The following ZBTB11 variants were observed in gnomAD, a reference collection of about 807,000 sequenced individuals.
ZBTB11 encodes the protein zinc finger and BTB domain-containing protein 11.
A neutral mutation model predicts 113.1 loss-of-function variants in ZBTB11; 68 were observed. The ratio of observed to expected loss-of-function variants is 0.60; its 90% CI spans 0.49 to 0.74. The LOEUF (loss-of-function observed/expected upper bound fraction) is 0.74, where lower values mean the gene tolerates loss of function less well. Among genes scored for constraint, ZBTB11 ranks in the 30% least tolerant of loss-of-function variants. The pLI is 0.00. For missense variants in ZBTB11, 1,104 were observed against 1,279.4 expected, an observed-to-expected ratio of 0.86 and a Z score of 2.09; for synonymous variants, 518 against 452.6, an observed-to-expected ratio of 1.14 and a Z score of -1.83.
intron 3 of ZBTB11, among the ~76,000 whole-genome samples, chr3:101,670,266 T>G (rs1211141919): frequency 6.6e-6 from 1 of 152,236 alleles, no homozygotes; most frequent in Non-Finnish European, 1.5e-5. Context: ...GAAAAGTCAC[T>G]TTTTTGTTTC....
intron 3 of ZBTB11, among the ~76,000 whole-genome samples, chr3:101,669,459 T>C (rs1313199870): frequency 6.6e-6 from 1 of 152,234 alleles, no homozygotes; most frequent in Non-Finnish European, 1.5e-5. Context: ...TGTATTATGT[T>C]GGAATATTAG....
intron 1 of ZBTB11, among the ~76,000 whole-genome samples, chr3:101,674,412 C>T (rs1477648164): frequency 6.6e-6 from 1 of 151,142 alleles, no homozygotes; most frequent in African/African-American, 2.4e-5. Flanking sequence ...GATTTAGAGA[C>T]CAAAAGAGGT....
At position 101,671,272 on chromosome 3, in the gene ZBTB11, C is replaced by A. The variant is rs760603376; in HGVS notation, c.636G>T (p.Gln212His). 1 of 1,614,172 alleles carries A rather than the reference C, an allele frequency of 6.2e-7. No homozygotes were observed. The highest frequency in any genetic ancestry group is 1.1e-5 in the South Asian group (1 of 91,086). Residue 212 changes from glutamine to histidine, a missense_variant, in exon 3 of 11, where the codon CAG (glutamine) becomes CAT (histidine). Gln to His is a conservative substitution (Grantham distance 24, BLOSUM62 0). Coordinates refer to ENST00000312938, the MANE Select transcript of ZBTB11 (RefSeq NM_014415.4). ...CAATTAACAAAGTAACATCACAGAA[C>A]TGGTTGGAAAGTCTCTGTTCGTTCA... ...KQLNEQRLSN[Q>H]FCDVTLLIEG...
At chr3:101,657,544 G>C (rs1458335512) in intron 6 of ZBTB11, among the ~76,000 whole-genome samples, 1 of 151,722 alleles carries the variant, frequency 6.6e-6, no homozygotes. Flanking sequence ...GGTGGGGGTG[G>C]AGGTGGGAGT....
chr3:101,675,735 A>G lies in ZBTB11; in HGVS notation c.310+870T>C, dbSNP rs76734498. On this transcript the variant is annotated intron_variant, in intron 1 of 10. Transcript: ENST00000312938. ...AATCGTACCTTTTCTGCGTATATAC[A>G]ATGCTACACAGTTCCCAAACGCGTT... Among the ~76,000 whole-genome samples the G allele has an allele frequency of 2.6e-3, 393 of 152,302 alleles. 12 individuals are homozygous for G. The East Asian group carries it at 0.064, about 25-fold the overall frequency.
In ZBTB11 at chr3:101,677,125, T is replaced by C. The variant is rs1016184854; in HGVS notation, c.-211A>G. The C allele has an allele frequency of 7.3e-6, 4 of 551,402 alleles. No individual in the cohort carries two copies. Among genetic ancestry groups the C allele is most frequent in the African/African-American group, 5.9e-5 (3 of 50,924 alleles). 34.2% of individuals were successfully genotyped at this position (551,402 alleles called of 1,614,324 possible). ...CACTTCTCCAGCGCGCGGGATCCGC[T>C]GGCGACTGACAAAATGGCTGCTGCA... On this transcript the variant is annotated 5_prime_UTR_variant, in exon 1 of 11. Coordinates refer to ENST00000312938, the MANE Select transcript of ZBTB11 (RefSeq NM_014415.4).
At chr3:101,668,826 A>C (rs1937038498) in intron 3 of ZBTB11, among the ~76,000 whole-genome samples, 1 of 152,128 alleles carries the variant, frequency 6.6e-6, no homozygotes, top group Non-Finnish European at 1.5e-5. Context: ...CTCTGAGCCT[A>C]TTCTGTTTCA....
chr3:101,655,731 G>C (rs1936784086), intron 7 of ZBTB11: 1 of 152,176 alleles, frequency 6.6e-6, no homozygotes, highest in African/African-American at 2.4e-5. Context: ...CGCGATCTTG[G>C]CTCACAGCAA....
At position 101,652,628 on chromosome 3, in the gene ZBTB11, T is replaced by G. The variant is rs771388774; in HGVS notation, c.2512A>C (p.Arg838=). 1.2e-6 allele frequency: 2 copies of G among 1,613,956 alleles called. No homozygotes were observed. The highest frequency in any genetic ancestry group is 1.7e-6 in the Non-Finnish European group (2 of 1,180,010). The change falls in exon 10 of 11, where the codon AGA becomes CGA. Residue 838 remains arginine (R), a synonymous_variant. Transcript: ENST00000312938. ...GKEFYEKALF[R]RHVKKATHGK... is the part of the protein sequence containing the mutation. ...TGGGTAGCTTTCTTTACATGCCTTCTGAACAAAGCTTTTTCATAAAATTCT... is the reference window on the plus strand; with the variant it reads ...TGGGTAGCTTTCTTTACATGCCTTCGGAACAAAGCTTTTTCATAAAATTCT...
intron 1 of ZBTB11, among the ~76,000 whole-genome samples, chr3:101,672,919 G>C (rs185019035): frequency 6.6e-6 from 1 of 152,286 alleles, no homozygotes; most frequent in East Asian, 1.9e-4. Context: ...ATGTCCCAGA[G>C]GGATGTTGTT....
intron 8 of ZBTB11, among the ~76,000 whole-genome samples, chr3:101,654,377 G>GT (rs1936757144): frequency 6.6e-6 from 1 of 152,086 alleles, no homozygotes; most frequent in African/African-American, 2.4e-5. Context: ...TACCTCGATT[G>GT]TAACAGAGAT....
At chr3:101,668,567 G>T (rs1218567715) in intron 3 of ZBTB11, among the ~76,000 whole-genome samples, 1 of 149,962 alleles carries the variant, frequency 6.7e-6, no homozygotes, top group Non-Finnish European at 1.5e-5. Flanking sequence ...AGTTGCTTGA[G>T]CCTATGACTG....
rs755908915 is a variant in ZBTB11, at chr3:101,664,551, T to C, written c.1787A>G (p.Asp596Gly). 13 of 1,601,894 alleles carry C rather than the reference T, an allele frequency of 8.1e-6. No homozygotes were observed. Among genetic ancestry groups the C allele is most frequent in the Non-Finnish European group, 1.1e-5 (13 of 1,177,028 alleles). ...MHKLKHERARDYKCPLCKKQF... is the reference protein window; with the variant it reads ...MHKLKHERARGYKCPLCKKQF... ...CCAAATACTTACTGGACATTTGTAA[T>C]CTCTAGCTCTTTCATGTTTCAGTTT... The change falls in exon 5 of 11, where the codon GAT becomes GGT. Residue 596 changes from aspartate (D) to glycine (G), a missense_variant. Physicochemically the swap from Asp to Gly is moderately conservative, Grantham distance 94. Transcript: ENST00000312938.
intron 6 of ZBTB11, among the ~76,000 whole-genome samples, chr3:101,658,557 CTT>C (rs1048916207): frequency 6.6e-6 from 1 of 151,662 alleles, no homozygotes; most frequent in Non-Finnish European, 1.5e-5. Flanking sequence ...GAATTTTGCT[CTT>C]GTTGTCCAGG....
Position 101,665,512 on chromosome 3 carries a change from C to G in ZBTB11, c.1075G>C (p.Gly359Arg), listed in dbSNP as rs1160556914. 4 of 1,614,192 alleles carry G rather than the reference C, an allele frequency of 2.5e-6. No individual in the cohort carries two copies. Among genetic ancestry groups the G allele is most frequent in the Non-Finnish European group, 3.4e-6 (4 of 1,180,028 alleles). Residue 359 changes from glycine (G) to arginine (R), a missense_variant, in exon 4 of 11, where the codon GGG becomes CGG. This residue lies in a region of ZBTB11 where 535 missense variants were observed against 518.6 expected (regional missense o/e 1.03). Coordinates refer to ENST00000312938, the MANE Select transcript of ZBTB11 (RefSeq NM_014415.4). ...ACCAGTAGTACAATTTCACAATCCC[C>G]AAGTTCAGTAGGTAAACTTGTTGTG... is the stretch of plus-strand genomic sequence containing the variant. Reference protein sequence around the residue: ...GTTTSLPTELGDCEIVLLVNG... With the variant: ...GTTTSLPTELRDCEIVLLVNG...
chr3:101,676,378 T>C lies in ZBTB11; in HGVS notation c.310+227A>G, dbSNP rs1171460001. The C allele has an allele frequency of 1.2e-5, 5 of 426,598 alleles. No individual in the cohort carries two copies. The East Asian group carries it at 1.5e-4, about 13-fold the overall frequency. 26.4% of individuals were successfully genotyped at this position (426,598 alleles called of 1,614,324 possible). ...TGGCCCGGCCTCCGGGGAAGCCCCC[T>C]TGGTCCCACCCAGGGCCAGGGCCCG... On this transcript the variant is annotated intron_variant, in intron 1 of 10. Coordinates refer to ENST00000312938, the MANE Select transcript of ZBTB11 (RefSeq NM_014415.4).
intron 1 of ZBTB11, among the ~76,000 whole-genome samples, chr3:101,672,814 CAT>C (rs773235012): frequency 1.4e-4 from 21 of 152,368 alleles, no homozygotes; most frequent in South Asian, 6.2e-4. Flanking sequence ...GATTTGCACA[CAT>C]GTGATGTGTA....
rs764932718 is a variant in ZBTB11, at chr3:101,664,665, C to T, written c.1673G>A (p.Arg558Lys). 1.2e-6 allele frequency: 2 copies of T among 1,611,422 alleles called. No individual in the cohort carries two copies. The highest frequency in any genetic ancestry group is 3.4e-5 in the Admixed American group (2 of 59,294). The change falls in exon 5 of 11, where the codon AGA becomes AAA. Residue 558 changes from arginine to lysine, a missense_variant. Transcript: ENST00000312938. The part of the protein sequence containing the change: ...QRGKKMKQPK[R>K]DAKENTEEAS... ...TTCTTCTGTGTTCTCTTTAGCATCT[C>T]TTTTTGGCTGTTTCATCTTTTTTCC...
At chr3:101,676,479 G>C in intron 1 of ZBTB11, 126 bp downstream of exon 1, 1 of 1,001,248 alleles carries the variant, frequency 1.0e-6, no homozygotes, top group Non-Finnish European at 1.4e-6. Context: ...GCTCCGCCTG[G>C]CAGCAGCTCC....
Sources: allele counts gnomAD v4.1 joint callset (sites outside exome capture counted in the v4.1 genomes callset), GRCh38; gene constraint gnomAD v4.1.1; regional missense constraint gnomAD v4.1.1; transcripts MANE v1.5; gene names NCBI Gene and HGNC (gene_info 2026-07-23, HGNC 2026-07-21).